The following TMEM132D variants were observed in gnomAD, a reference collection of about 807,000 sequenced individuals.
The protein encoded by TMEM132D is mature OL transmembrane protein.
TMEM132D carries 21 observed loss-of-function variants against 62.3 expected under a neutral mutation model. The observed-to-expected ratio is 0.34, with a 90% confidence interval of 0.24 to 0.49. TMEM132D has a LOEUF of 0.49. TMEM132D is among the 20% of genes least tolerant of loss of function. The probability of loss-of-function intolerance (pLI) is 0.99; values close to 1 mark genes in which losing one functional copy is unlikely to be tolerated. For missense variants in TMEM132D, 1,346 were observed against 1,402.8 expected (o/e 0.96, Z 0.65); for synonymous variants, 621 against 575.6 (o/e 1.08, Z -1.13).
At chr12:129,737,330 G>A (rs944740760) in intron 1 of TMEM132D, among the ~76,000 whole-genome samples, 3 of 152,162 alleles carry the variant, frequency 2.0e-5, no homozygotes, top group African/African-American at 7.2e-5. Flanking sequence ...AAGAAGTATT[G>A]TTTGGCCCTC....
chr12:129,731,637 T>G (rs1334345044), intron 1 of TMEM132D, among the ~76,000 whole-genome samples: 1 of 151,312 alleles, frequency 6.6e-6, no homozygotes, highest in African/African-American at 2.4e-5. Flanking sequence ...ATAAGGAAAT[T>G]GAATGTTTTC....
At chr12:129,138,460 G>T (rs1876648338) in intron 5 of TMEM132D, among the ~76,000 whole-genome samples, 1 of 152,190 alleles carries the variant, frequency 6.6e-6, no homozygotes, top group South Asian at 2.1e-4. Flanking sequence ...GCTCATGCCT[G>T]CAATCTCAGC....
chr12:129,400,500 C>A (rs1055943613), intron 3 of TMEM132D, among the ~76,000 whole-genome samples: 2 of 152,138 alleles, frequency 1.3e-5, no homozygotes, highest in African/African-American at 4.8e-5. Flanking sequence ...ACTGGTCCAA[C>A]CAGAAACAGA....
At chr12:129,229,665 T>C (rs1156549022) in intron 4 of TMEM132D, among the ~76,000 whole-genome samples, 4 of 152,158 alleles carry the variant, frequency 2.6e-5, no homozygotes, top group Admixed American at 6.5e-5. Flanking sequence ...ACATAGAAAA[T>C]TGATAAACAT....
rs1881038785 is a variant in TMEM132D, at chr12:129,277,728, A to C, written c.1299+59906T>G. 6.6e-6 allele frequency among the ~76,000 whole-genome samples: 1 copy of C among 152,350 alleles called. No individual in the cohort carries two copies. Among genetic ancestry groups the C allele is most frequent in the South Asian group, 2.1e-4 (1 of 4,826 alleles). On this transcript the variant is annotated intron_variant, in intron 4 of 8. Coordinates refer to ENST00000422113, the MANE Select transcript of TMEM132D (RefSeq NM_133448.3). The surrounding 1 kb of genome is among the most constrained non-coding windows in gnomAD (Gnocchi z 4.2). ...TCAGAATCATATCATATGAAGAAAA[A>C]AACAACTTTTCCAGGAAGCCTCATA...
At chr12:129,352,390 C>T (rs1313503577) in intron 3 of TMEM132D, among the ~76,000 whole-genome samples, 1 of 151,740 alleles carries the variant, frequency 6.6e-6, no homozygotes, top group East Asian at 1.9e-4. Context: ...CTTTTACTTT[C>T]AAGAACATCC....
At chr12:129,787,108 A>T (rs1322628586) in intron 1 of TMEM132D, among the ~76,000 whole-genome samples, 1 of 152,030 alleles carries the variant, frequency 6.6e-6, no homozygotes, top group Non-Finnish European at 1.5e-5. Context: ...AAATTCAACC[A>T]AGAAAATGCC....
chr12:129,621,040 C>G (rs900549918), intron 2 of TMEM132D, among the ~76,000 whole-genome samples: 25 of 152,322 alleles, frequency 1.6e-4, no homozygotes, highest in African/African-American at 5.1e-4. Context: ...TCCAAGCCCG[C>G]AGTGTCTTCC....
At chr12:129,320,357 GAAT>G (rs1868650551) in intron 4 of TMEM132D, among the ~76,000 whole-genome samples, 1 of 152,190 alleles carries the variant, frequency 6.6e-6, no homozygotes, top group African/African-American at 2.4e-5. Flanking sequence ...AGTAGCTACA[GAAT>G]AATAATAATT....
intron 2 of TMEM132D, among the ~76,000 whole-genome samples, chr12:129,660,144 T>C (rs1259399914): frequency 6.6e-6 from 1 of 152,026 alleles, no homozygotes; most frequent in Non-Finnish European, 1.5e-5. Flanking sequence ...GATGGATGAC[T>C]CATGTATTGT....
At chr12:129,360,126 G>C (rs1052684212) in intron 3 of TMEM132D, among the ~76,000 whole-genome samples, 12 of 152,116 alleles carry the variant, frequency 7.9e-5, no homozygotes, top group Non-Finnish European at 1.5e-4. Context: ...ACATGCTGCA[G>C]GACACCTGTC....
At chr12:129,778,835 A>G (rs1871029699) in intron 1 of TMEM132D, among the ~76,000 whole-genome samples, 1 of 152,120 alleles carries the variant, frequency 6.6e-6, no homozygotes, top group East Asian at 1.9e-4. Flanking sequence ...CTATGTCTCT[A>G]TTAGCCACTT....
Position 129,094,125 on chromosome 12 carries a change from G to T in TMEM132D, c.1444-9423C>A, listed in dbSNP as rs183885069. ...CCATTCAGGACATAGGCATGGGCAAGGACTTCATGTCTAAAACACCAAAAG... is the reference window on the plus strand; with the variant it reads ...CCATTCAGGACATAGGCATGGGCAATGACTTCATGTCTAAAACACCAAAAG... On this transcript the variant is annotated intron_variant, in intron 5 of 8. Transcript: ENST00000422113. Among the ~76,000 whole-genome samples, 369 of 152,216 alleles carry T rather than the reference G, an allele frequency of 2.4e-3. 3 individuals carry two copies. The highest frequency in any genetic ancestry group is 8.4e-3 in the African/African-American group (347 of 41,498).
chr12:129,810,328 C>G (rs1197181311), intron 1 of TMEM132D, among the ~76,000 whole-genome samples: 1 of 151,698 alleles, frequency 6.6e-6, no homozygotes, highest in African/African-American at 2.4e-5. Context: ...ACTCCACTGA[C>G]AAGTCTGAAA....
chr12:129,283,680 T>G (rs1881219945), intron 4 of TMEM132D, among the ~76,000 whole-genome samples: 1 of 152,212 alleles, frequency 6.6e-6, no homozygotes, highest in South Asian at 2.1e-4. Flanking sequence ...TGACTGCAGA[T>G]GATTAGGGAG....
chr12:129,217,105 T>C (rs1879227200), intron 4 of TMEM132D, among the ~76,000 whole-genome samples: 1 of 152,158 alleles, frequency 6.6e-6, no homozygotes, highest in Non-Finnish European at 1.5e-5. Context: ...AATGTTAAAA[T>C]AGATGAGTAC....
chr12:129,817,366 G>C (rs375799372), intron 1 of TMEM132D, among the ~76,000 whole-genome samples: 25 of 152,308 alleles, frequency 1.6e-4, no homozygotes, highest in African/African-American at 5.8e-4. Flanking sequence ...TGAACACACA[G>C]AACCAGACGC....
intron 5 of TMEM132D, among the ~76,000 whole-genome samples, chr12:129,161,415 T>A (rs1179256439): frequency 1.3e-5 from 2 of 152,176 alleles, no homozygotes; most frequent in Non-Finnish European, 2.9e-5. Flanking sequence ...TCCATGGACA[T>A]TTAGTATCGT....
Position 129,294,195 on chromosome 12 carries a change from A to G in TMEM132D, c.1299+43439T>C, listed in dbSNP as rs542111524. Among the ~76,000 whole-genome samples, 6 of 152,344 alleles carry G rather than the reference A, an allele frequency of 3.9e-5. No individual in the cohort carries two copies. In the South Asian group the frequency reaches 1.2e-3, roughly 32 times the overall value. On this transcript the variant is annotated intron_variant, in intron 4 of 8. Coordinates refer to ENST00000422113, the MANE Select transcript of TMEM132D (RefSeq NM_133448.3). ...CCATGTTTTTACCATGATTCAGAATACCCTTCAAGATTTTTAATGCCTTGA... is the reference window on the plus strand; with the variant it reads ...CCATGTTTTTACCATGATTCAGAATGCCCTTCAAGATTTTTAATGCCTTGA...
Sources: allele counts gnomAD v4.1 joint callset (sites outside exome capture counted in the v4.1 genomes callset), GRCh38; gene constraint gnomAD v4.1.1; non-coding constraint Gnocchi (gnomAD v3.1); transcripts MANE v1.5; gene names NCBI Gene and HGNC (gene_info 2026-07-23, HGNC 2026-07-21).